Variants in NTRK3 observed in about 807,000 individuals in gnomAD.
The protein encoded by NTRK3 is neurotrophic receptor tyrosine kinase 3.
Under a neutral mutation model 91.7 loss-of-function variants are expected in NTRK3, and 24 were observed. The observed-to-expected ratio is 0.26, with a 90% CI of 0.19 to 0.37. NTRK3 has a LOEUF of 0.37. NTRK3 is among the 10% of genes least tolerant of loss of function. The pLI is 1.00. For synonymous variants in NTRK3, 483 were observed against 404.0 expected (o/e 1.20, Z -2.34); for missense variants, 880 against 1,068.9 (o/e 0.82, Z 2.46).
intron 14 of NTRK3, among the ~76,000 whole-genome samples, chr15:87,942,365 C>T (rs1216411758): frequency 6.6e-6 from 1 of 152,202 alleles, no homozygotes; most frequent in Admixed American, 6.5e-5. Flanking sequence ...CTTCTTCACA[C>T]TTTCTGTCTC....
At chr15:87,933,758 T>C (rs1301921792) in intron 15 of NTRK3, among the ~76,000 whole-genome samples, 1 of 152,214 alleles carries the variant, frequency 6.6e-6, no homozygotes, top group Non-Finnish European at 1.5e-5. Context: ...GACACCTGTG[T>C]TCTCCCAATA....
chr15:88,023,628 C>G (rs1224205950), intron 14 of NTRK3, among the ~76,000 whole-genome samples: 1 of 152,166 alleles, frequency 6.6e-6, no homozygotes, highest in African/African-American at 2.4e-5. Flanking sequence ...ATCAGAATCC[C>G]CCACCCACCT....
intron 3 of NTRK3, among the ~76,000 whole-genome samples, chr15:88,206,261 C>T (rs1330823436): frequency 2.0e-5 from 3 of 150,366 alleles, no homozygotes; most frequent in East Asian, 4.0e-4. Context: ...AGGAGAATAG[C>T]GCGAACCCCG....
intron 14 of NTRK3, among the ~76,000 whole-genome samples, chr15:87,975,191 C>A (rs1029263413): frequency 6.6e-6 from 1 of 152,128 alleles, no homozygotes; most frequent in Non-Finnish European, 1.5e-5. Context: ...AGTTCCAGGA[C>A]CTCATCATGT....
intron 3 of NTRK3, among the ~76,000 whole-genome samples, chr15:88,195,578 G>A (rs1355702297): frequency 1.3e-5 from 2 of 152,320 alleles, no homozygotes; most frequent in Non-Finnish European, 2.9e-5. Context: ...TCAGAGGGGT[G>A]GAACCCTTGT....
intron 3 of NTRK3, chr15:88,210,185 G>C (rs1470451426): frequency 6.6e-6 from 1 of 152,160 alleles, no homozygotes; most frequent in African/African-American, 2.4e-5. Context: ...GGAATGAAGG[G>C]AGCCCACACC....
rs1414669224 is a variant in NTRK3 at position 88,233,921 on chromosome 15, TC to T, written c.248+21984del. ...GTGAGAACTGTTGGTAAATGTTGAG[TC>T]CCACTAGACATGCGTTGTTTCCTCT... On this transcript the variant is annotated intron_variant, in intron 3 of 18. Transcript: ENST00000394480. The surrounding 1 kb of genome is among the most constrained non-coding windows in gnomAD (Gnocchi z 4.2). 6.6e-6 allele frequency among the ~76,000 whole-genome samples: 1 copy of T among 152,172 alleles called. No homozygotes were observed. Among genetic ancestry groups the T allele is most frequent in the Non-Finnish European group, 1.5e-5 (1 of 68,030 alleles).
intron 17 of NTRK3, among the ~76,000 whole-genome samples, chr15:87,910,351 G>C (rs2067013038): frequency 6.6e-6 from 1 of 152,190 alleles, no homozygotes; most frequent in Non-Finnish European, 1.5e-5. Context: ...TATAAGGAAA[G>C]ACATAGCAGG....
intron 13 of NTRK3, among the ~76,000 whole-genome samples, chr15:88,104,687 T>C (rs1400389646): frequency 6.6e-6 from 1 of 152,226 alleles, no homozygotes; most frequent in Non-Finnish European, 1.5e-5. Context: ...CTTCATGCTC[T>C]CTTGTCTCTT....
At chr15:87,905,138 A>G (rs2066687654) in intron 17 of NTRK3, among the ~76,000 whole-genome samples, 1 of 152,246 alleles carries the variant, frequency 6.6e-6, no homozygotes, top group Non-Finnish European at 1.5e-5. Flanking sequence ...AATGAAAAAG[A>G]AAATCCTTGC....
chr15:87,989,740 G>T (rs2075139931), intron 14 of NTRK3, among the ~76,000 whole-genome samples: 2 of 151,892 alleles, frequency 1.3e-5, no homozygotes, highest in South Asian at 4.2e-4. Context: ...TTAAGTAGCT[G>T]GGATTACAGG....
At chr15:87,891,674 T>TTA (rs1178934415) in intron 17 of NTRK3, among the ~76,000 whole-genome samples, 1 of 152,218 alleles carries the variant, frequency 6.6e-6, no homozygotes, top group East Asian at 1.9e-4. Context: ...CTCATTCTTT[T>TTA]TATAGCTGTA....
intron 3 of NTRK3, among the ~76,000 whole-genome samples, chr15:88,191,043 G>A (rs925335193): frequency 1.3e-5 from 2 of 152,192 alleles, no homozygotes; most frequent in African/African-American, 4.8e-5. Context: ...GAAGTTGCCA[G>A]TTAAGTGAAG....
At chr15:88,246,219 G>A (rs940444611) in intron 3 of NTRK3, among the ~76,000 whole-genome samples, 5 of 152,228 alleles carry the variant, frequency 3.3e-5, no homozygotes, top group South Asian at 4.1e-4. Context: ...ACGAGCCAAC[G>A]ATACTCTCAG....
chr15:88,099,716 G>T (rs1347085215), intron 13 of NTRK3, among the ~76,000 whole-genome samples: 2 of 152,154 alleles, frequency 1.3e-5, no homozygotes, highest in African/African-American at 4.8e-5. Flanking sequence ...AAAAGCAGGG[G>T]TGGGGGAAAC....
chr15:88,148,522 G>C (rs1014356036), intron 5 of NTRK3, among the ~76,000 whole-genome samples: 1 of 152,166 alleles, frequency 6.6e-6, no homozygotes, highest in African/African-American at 2.4e-5. Context: ...ACCAAGGGAG[G>C]AGTGTTTCAG....
At chr15:87,940,731 T>G in exon 15 of NTRK3, 1 of 1,614,046 alleles carries the variant, frequency 6.2e-7, no homozygotes. Flanking sequence ...GCACGATGTC[T>G]CTCCTCTTAA....
chr15:88,136,089 G>A (rs1397207194), intron 8 of NTRK3, 49 bp from the exon 9 acceptor site: 1 of 1,607,922 alleles, frequency 6.2e-7, no homozygotes, highest in East Asian at 2.2e-5. Context: ...CTACAAGGAT[G>A]GCTCTGCTAC....
chr15:88,252,198 G>T (rs2053466902), intron 3 of NTRK3, among the ~76,000 whole-genome samples: 1 of 152,152 alleles, frequency 6.6e-6, no homozygotes, highest in South Asian at 2.1e-4. Flanking sequence ...GGGGTTCTGA[G>T]CACCAAACTG....
Sources: gnomAD v4.1 joint callset for allele counts (sites outside exome capture counted in the v4.1 genomes callset) on GRCh38, gnomAD v4.1.1 for gene constraint, Gnocchi (gnomAD v3.1) non-coding constraint, MANE v1.5 for transcripts, NCBI Gene and HGNC (gene_info 2026-07-23, HGNC 2026-07-21) for gene names.